CACNA2D3: variants seen among roughly 807,000 people sequenced by gnomAD.
The protein encoded by CACNA2D3 is voltage-dependent calcium channel subunit alpha-2/delta-3.
CACNA2D3 carries 60 observed loss-of-function variants against 160.6 expected under a neutral mutation model. The observed-to-expected ratio is 0.37, with a 90% CI of 0.30 to 0.46. The LOEUF (loss-of-function observed/expected upper bound fraction) is 0.46, where lower values mean the gene tolerates loss of function less well. Among genes scored for constraint, CACNA2D3 ranks in the 20% least tolerant of loss-of-function variants. The pLI, the probability that CACNA2D3 is intolerant of heterozygous loss-of-function variation, is 1.00. For missense variants in CACNA2D3, 1,205 were observed against 1,365.0 expected (o/e 0.88, Z 1.85); for synonymous variants, 558 against 492.9 (o/e 1.13, Z -1.75).
chr3:55,042,432 T>C (rs1703977455), intron 35 of CACNA2D3, among the ~76,000 whole-genome samples: 2 of 152,166 alleles, frequency 1.3e-5, no homozygotes. Flanking sequence ...GGTGACATCC[T>C]TTGTCTTTGT....
chr3:54,763,787 ATGTATATATATG>A (rs1474091070), intron 12 of CACNA2D3, among the ~76,000 whole-genome samples: 1 of 49,128 alleles, frequency 2.0e-5, no homozygotes, highest in African/African-American at 7.1e-5. Context: ...GTACATATAT[ATGTATATATATG>A]TACATATATA....
At chr3:55,010,125 T>G (rs1703177792) in intron 34 of CACNA2D3, among the ~76,000 whole-genome samples, 1 of 152,050 alleles carries the variant, frequency 6.6e-6, no homozygotes, top group African/African-American at 2.4e-5. Context: ...GACTGGAACA[T>G]AAGTCCTCAA....
chr3:54,817,412 A>G (rs1703480904), intron 14 of CACNA2D3, among the ~76,000 whole-genome samples: 1 of 152,180 alleles, frequency 6.6e-6, no homozygotes. Context: ...ATTGTCTGAG[A>G]TGATCTAGTT....
intron 3 of CACNA2D3, among the ~76,000 whole-genome samples, chr3:54,331,869 A>C (rs1363081935): frequency 6.6e-6 from 1 of 152,186 alleles, no homozygotes; most frequent in Admixed American, 6.5e-5. Flanking sequence ...GATTCATGTA[A>C]ATAATTCCCA....
intron 32 of CACNA2D3, among the ~76,000 whole-genome samples, chr3:55,007,320 G>A (rs1157289250): frequency 1.3e-5 from 2 of 152,098 alleles, no homozygotes; most frequent in Non-Finnish European, 2.9e-5. Flanking sequence ...ATTCGTGGAC[G>A]GCATTAAAAT....
At chr3:54,288,675 C>G (rs928505283) in intron 2 of CACNA2D3, among the ~76,000 whole-genome samples, 4 of 152,090 alleles carry the variant, frequency 2.6e-5, no homozygotes, top group Non-Finnish European at 2.9e-5. Context: ...TATCCTCAAT[C>G]AAATACTGGC....
At chr3:54,386,987 G>T (rs1699198415) in intron 4 of CACNA2D3, among the ~76,000 whole-genome samples, 1 of 152,196 alleles carries the variant, frequency 6.6e-6, no homozygotes, top group South Asian at 2.1e-4. Flanking sequence ...ACACTCACAT[G>T]TGTGTAATCA....
chr3:54,816,901 C>G (rs1204077555), intron 14 of CACNA2D3, 31 bp downstream of exon 14: 3 of 1,612,688 alleles, frequency 1.9e-6, no homozygotes, highest in Non-Finnish European at 2.5e-6. Context: ...TTCCAGTCAC[C>G]CCCAGAACTC....
intron 34 of CACNA2D3, among the ~76,000 whole-genome samples, chr3:55,014,725 CTG>C (rs1416279820): frequency 1.3e-5 from 2 of 152,128 alleles, no homozygotes; most frequent in African/African-American, 2.4e-5. Context: ...GAGTGAGACT[CTG>C]TCTCCAACAG....
intron 9 of CACNA2D3, among the ~76,000 whole-genome samples, chr3:54,582,117 A>G (rs146005496): frequency 1.3e-5 from 2 of 152,342 alleles, no homozygotes; most frequent in East Asian, 3.9e-4. Context: ...CTTGTGCTCT[A>G]ATAAACACAA....
intron 4 of CACNA2D3, among the ~76,000 whole-genome samples, chr3:54,448,065 G>C (rs572430077): frequency 6.6e-6 from 1 of 152,300 alleles, no homozygotes; most frequent in Admixed American, 6.5e-5. Flanking sequence ...CAGGGGCTCA[G>C]ACGACACCAG....
At chr3:54,925,241 A>G in intron 27 of CACNA2D3, 1 of 1,579,808 alleles carries the variant, frequency 6.3e-7, no homozygotes, top group Non-Finnish European at 8.7e-7. Flanking sequence ...AGAAATTGGG[A>G]TAGGAACCAG....
intron 29 of CACNA2D3, among the ~76,000 whole-genome samples, chr3:54,982,964 C>T (rs1047400484): frequency 6.6e-6 from 1 of 152,046 alleles, no homozygotes; most frequent in East Asian, 1.9e-4. Context: ...CTTATGCCGA[C>T]CTACTATCTC....
At chr3:54,518,171 G>A (rs76176040) in intron 5 of CACNA2D3, among the ~76,000 whole-genome samples, 2,812 of 152,282 alleles carry the variant, frequency 0.018, 95 homozygotes, top group African/African-American at 0.065. Context: ...GACTAACACT[G>A]TGTGTCAGCG....
chr3:54,696,006 A>T (rs768731999), intron 11 of CACNA2D3, among the ~76,000 whole-genome samples: 1 of 152,054 alleles, frequency 6.6e-6, no homozygotes, highest in Non-Finnish European at 1.5e-5. Flanking sequence ...TCTACATCTT[A>T]TTCTCATCTG....
chr3:54,496,838 T>A (rs888998254), intron 4 of CACNA2D3, among the ~76,000 whole-genome samples: 1 of 152,114 alleles, frequency 6.6e-6, no homozygotes, highest in Non-Finnish European at 1.5e-5. Context: ...GAGAATGTAG[T>A]TTTTAGTCAT....
chr3:54,314,060 C>T (rs1262901306), intron 2 of CACNA2D3, among the ~76,000 whole-genome samples: 38 of 152,236 alleles, frequency 2.5e-4, no homozygotes, highest in Admixed American at 2.4e-3. Context: ...CCCACCCTTA[C>T]TCCCTTTCTC....
chr3:54,281,089 G>A (rs1481298026), intron 2 of CACNA2D3, among the ~76,000 whole-genome samples: 1 of 152,190 alleles, frequency 6.6e-6, no homozygotes, highest in Non-Finnish European at 1.5e-5. Flanking sequence ...AATGAGTGCT[G>A]GCTGAGGCCC....
chr3:54,393,137 G>T (rs1462359414), intron 4 of CACNA2D3, among the ~76,000 whole-genome samples: 1 of 152,194 alleles, frequency 6.6e-6, no homozygotes, highest in Non-Finnish European at 1.5e-5. Flanking sequence ...CCATCCCCAA[G>T]GTGGGGTCAG....
Sources: gnomAD v4.1 joint callset for allele counts (sites outside exome capture counted in the v4.1 genomes callset) on GRCh38, gnomAD v4.1.1 for gene constraint, MANE v1.5 for transcripts, NCBI Gene and HGNC (gene_info 2026-07-23, HGNC 2026-07-21) for gene names.